Variants in EYS observed in about 807,000 individuals in gnomAD.
EYS encodes protein eyes shut homolog.
In EYS, 250 loss-of-function variants were observed where a neutral mutation model predicts 282.1. The observed-to-expected ratio is 0.89, with a 90% CI of 0.80 to 0.98. EYS has a LOEUF of 0.98. Ranked by LOEUF, EYS falls within the 50% of genes least tolerant of loss-of-function variation. The pLI, the probability that EYS is intolerant of heterozygous loss-of-function variation, is 0.00. For synonymous variants in EYS, 1,355 were observed against 1,282.9 expected (o/e 1.06, Z -1.20); for missense variants, 4,016 against 3,709.0 (o/e 1.08, Z -2.15).
intron 2 of EYS, among the ~76,000 whole-genome samples, chr6:65,600,014 TA>T (rs1429338254): frequency 1.4e-3 from 216 of 152,174 alleles, no homozygotes; most frequent in Non-Finnish European, 3.7e-4. Flanking sequence ...AGAAAGCATG[TA>T]AAAGTGATCA....
At chr6:64,696,301 C>A (rs1360355116) in intron 22 of EYS, among the ~76,000 whole-genome samples, 1 of 151,938 alleles carries the variant, frequency 6.6e-6, no homozygotes, top group Non-Finnish European at 1.5e-5. Context: ...TTGACTTTAT[C>A]CAATGAGACA....
intron 26 of EYS, among the ~76,000 whole-genome samples, chr6:64,443,450 G>A (rs1395820243): frequency 3.3e-5 from 5 of 152,156 alleles, no homozygotes; most frequent in Admixed American, 6.5e-5. Context: ...GAACTATTGG[G>A]AAGGCACAAT....
Position 65,099,246 on chromosome 6 carries a change from T to C in EYS, c.2024-41519A>G, listed in dbSNP as rs570551679. On this transcript the variant is annotated intron_variant, in intron 12 of 42. Transcript: ENST00000503581. Reference sequence around the variant, plus strand: ...ATGAATATACAATAAATGCTTTGAATAGATCAAATGCCTACGAAAATAATA... The same window carrying C: ...ATGAATATACAATAAATGCTTTGAACAGATCAAATGCCTACGAAAATAATA... 1.2e-4 allele frequency among the ~76,000 whole-genome samples: 18 copies of C among 150,798 alleles called. No homozygotes were observed. The East Asian group carries it at 3.5e-3, about 29-fold the overall frequency.
intron 31 of EYS, among the ~76,000 whole-genome samples, chr6:64,110,830 A>C (rs1182939450): frequency 6.6e-6 from 1 of 151,704 alleles, no homozygotes; most frequent in African/African-American, 2.4e-5. Flanking sequence ...ATGGCATTAG[A>C]AAAGCTGAAA....
At chr6:64,987,609 G>C (rs1010196636) in intron 14 of EYS, among the ~76,000 whole-genome samples, 6 of 151,472 alleles carry the variant, frequency 4.0e-5, no homozygotes, top group Non-Finnish European at 5.9e-5. Flanking sequence ...ATGTAGGACA[G>C]AAAGGGAATC....
intron 35 of EYS, among the ~76,000 whole-genome samples, chr6:63,872,274 A>G (rs1056254439): frequency 1.3e-5 from 2 of 151,792 alleles, no homozygotes; most frequent in African/African-American, 4.8e-5. Flanking sequence ...TCTGTCACTC[A>G]ATGGCCACAC....
chr6:64,471,496 C>T (rs1776119868), intron 26 of EYS, among the ~76,000 whole-genome samples: 1 of 151,946 alleles, frequency 6.6e-6, no homozygotes, highest in Admixed American at 6.6e-5. Context: ...TTCACAATAA[C>T]TACAAAAATA....
chr6:65,323,685 C>T (rs1450223803), intron 11 of EYS, among the ~76,000 whole-genome samples: 1 of 122,524 alleles, frequency 8.2e-6, no homozygotes, highest in Non-Finnish European at 1.7e-5. Context: ...TTTGAAAAAT[C>T]GCCTGCCATT....
intron 35 of EYS, among the ~76,000 whole-genome samples, chr6:63,866,487 T>C (rs1020705008): frequency 1.3e-5 from 2 of 152,234 alleles, no homozygotes; most frequent in South Asian, 2.1e-4. Flanking sequence ...TTAAATGCTT[T>C]AATCATATAA....
At chr6:65,032,670 T>G (rs934224011) in intron 13 of EYS, among the ~76,000 whole-genome samples, 3 of 152,004 alleles carry the variant, frequency 2.0e-5, no homozygotes, top group Non-Finnish European at 2.9e-5. Context: ...TAATGAAATA[T>G]CTCTCTCTTT....
At chr6:63,846,596 T>C (rs1323027752) in intron 36 of EYS, among the ~76,000 whole-genome samples, 1 of 152,252 alleles carries the variant, frequency 6.6e-6, no homozygotes, top group Non-Finnish European at 1.5e-5. Context: ...AAAGATTGGA[T>C]GTTCCCTGCC....
intron 22 of EYS, among the ~76,000 whole-genome samples, chr6:64,634,539 C>T (rs1003323510): frequency 2.0e-4 from 14 of 70,834 alleles, no homozygotes; most frequent in Non-Finnish European, 8.5e-5. Context: ...GTAAGATACC[C>T]TAGCTTCCAA....
intron 31 of EYS, among the ~76,000 whole-genome samples, chr6:64,195,164 CCTTT>C (rs1765244374): frequency 6.6e-6 from 1 of 151,998 alleles, no homozygotes; most frequent in African/African-American, 2.4e-5. Context: ...CAACTGCATC[CCTTT>C]CTTCTAGCTA....
intron 2 of EYS, among the ~76,000 whole-genome samples, chr6:65,601,448 A>G (rs752800759): frequency 1.4e-4 from 22 of 151,912 alleles, no homozygotes; most frequent in Non-Finnish European, 2.5e-4. Flanking sequence ...CCACAGAGAT[A>G]CCAGCACCAA....
intron 5 of EYS, chr6:65,489,682 T>C (rs1203646014): frequency 6.6e-6 from 1 of 152,138 alleles, no homozygotes; most frequent in East Asian, 1.9e-4. Context: ...ACACATATGT[T>C]TACTGCAGCA....
intron 15 of EYS, among the ~76,000 whole-genome samples, chr6:64,919,908 T>G (rs1768284022): frequency 6.6e-6 from 1 of 152,136 alleles, no homozygotes; most frequent in East Asian, 1.9e-4. Flanking sequence ...GATAATGCAT[T>G]GGGTCACGCC....
intron 12 of EYS, among the ~76,000 whole-genome samples, chr6:65,222,594 C>T (rs978404410): frequency 3.9e-5 from 6 of 152,110 alleles, no homozygotes; most frequent in African/African-American, 1.4e-4. Flanking sequence ...CAAAAGAACA[C>T]AGAATTTGGC....
intron 32 of EYS, among the ~76,000 whole-genome samples, chr6:64,069,744 C>T (rs1413512673): frequency 6.6e-6 from 1 of 151,898 alleles, no homozygotes; most frequent in Non-Finnish European, 1.5e-5. Context: ...TCTAAGGACC[C>T]CTTAAGACAC....
rs374374917 is a variant in EYS, at chr6:64,041,430, C to T, written c.6725+24908G>A. Among the ~76,000 whole-genome samples, 10 of 152,208 alleles carry T rather than the reference C, an allele frequency of 6.6e-5. No individual in the cohort carries two copies. The East Asian group carries it at 1.5e-3, about 24-fold the overall frequency. On this transcript the variant is annotated intron_variant, in intron 33 of 42. Transcript: ENST00000503581. ...CTAAAATGCAGCCTTCAGTATTGCT[C>T]GTTGAAAACACTGAGCCAAAAGATA... is the stretch of plus-strand genomic sequence containing the variant.
Sources: allele counts gnomAD v4.1 joint callset (sites outside exome capture counted in the v4.1 genomes callset), GRCh38; gene constraint gnomAD v4.1.1; transcripts MANE v1.5; gene names NCBI Gene and HGNC (gene_info 2026-07-23, HGNC 2026-07-21).